Variants in KCNQ1 observed in about 807,000 individuals in gnomAD.
KCNQ1 encodes the protein potassium voltage-gated channel subfamily KQT member 1.
A neutral mutation model predicts 72.4 loss-of-function variants in KCNQ1; 49 were observed. The ratio of observed to expected loss-of-function variants is 0.68; its 90% CI spans 0.54 to 0.86. The LOEUF (loss-of-function observed/expected upper bound fraction) is 0.86. Ranked by LOEUF, KCNQ1 falls within the 40% of genes least tolerant of loss-of-function variation. KCNQ1 has a pLI of 0.00. For synonymous variants in KCNQ1, 450 were observed against 412.6 expected, an observed-to-expected ratio of 1.09 and a Z score of -1.10; for missense variants, 790 against 945.1, an observed-to-expected ratio of 0.84 and a Z score of 2.15.
rs1319618077 is a variant in KCNQ1 at position 2,746,208 on chromosome 11, T to A, written c.1515-22636T>A. Reference sequence around the variant, plus strand: ...CCCAGCCTCTTGCCGTCATTTTTTTTATTTTAAATAAACTTTGATTTTAGA... The same window carrying A: ...CCCAGCCTCTTGCCGTCATTTTTTTAATTTTAAATAAACTTTGATTTTAGA... On this transcript the variant is annotated intron_variant, in intron 11 of 15. Coordinates refer to ENST00000155840, the MANE Select transcript of KCNQ1 (RefSeq NM_000218.3). This position sits in a 1 kb window ranked among gnomAD's most constrained non-coding sequence, Gnocchi z 5.9. 6.6e-6 allele frequency among the ~76,000 whole-genome samples: 1 copy of A among 152,202 alleles called. No homozygotes were observed. The highest frequency in any genetic ancestry group is 6.5e-5 in the Admixed American group (1 of 15,288).
rs961817785 is a variant in KCNQ1, at chr11:2,451,982, C to T, written c.386+6498C>T. 2.6e-5 allele frequency among the ~76,000 whole-genome samples: 4 copies of T among 152,188 alleles called. No homozygotes were observed. Among genetic ancestry groups the T allele is most frequent in the South Asian group, 2.1e-4 (1 of 4,836 alleles). ...CATGGGCACCCCCACTCCCACCTAG[C>T]ACTTGCCACCAGGAAGCACCCTGAG... On this transcript the variant is annotated intron_variant, in intron 1 of 15. Transcript: ENST00000155840. The surrounding 1 kb of genome is among the most constrained non-coding windows in gnomAD (Gnocchi z 6.4).
At chr11:2,839,934 C>T (rs1442024455) in intron 15 of KCNQ1, 5 of 152,198 alleles carry the variant, frequency 3.3e-5, no homozygotes, top group African/African-American at 1.2e-4. Flanking sequence ...CAAGAGCGGT[C>T]TCTAGGGCAG....
Position 2,571,399 on chromosome 11 carries a change from A to C in KCNQ1, c.679A>C (p.Ile227Leu), listed in dbSNP as rs794728511. 1 of 1,610,846 alleles carries C rather than the reference A, an allele frequency of 6.2e-7. No homozygotes were observed. The highest frequency in any genetic ancestry group is 8.5e-7 in the Non-Finnish European group (1 of 1,179,806). ...SKGQVFATSA[I>L]RGIRFLQILR... Reference sequence around the variant, plus strand: ...GGGGCAGGTGTTTGCCACGTCGGCCATCAGGTGCGTCTGTGCCACAAGCTC... The same window carrying C: ...GGGGCAGGTGTTTGCCACGTCGGCCCTCAGGTGCGTCTGTGCCACAAGCTC... Residue 227 changes from isoleucine (I) to leucine (L), a missense_variant, in exon 4 of 16, where the codon ATC (isoleucine) becomes CTC (leucine). Coordinates refer to ENST00000155840, the MANE Select transcript of KCNQ1 (RefSeq NM_000218.3).
intron 1 of KCNQ1, among the ~76,000 whole-genome samples, chr11:2,501,717 T>TAAAAAAAAAAAA (rs1847012920): frequency 1.1e-4 from 1 of 8,704 alleles, no homozygotes; most frequent in Non-Finnish European, 2.2e-4. Flanking sequence ...CAAAGATACA[T>TAAAAAAAAAAAA]CAAAAAAAAA....
In KCNQ1 at chr11:2,570,718, C is replaced by A. The variant is rs199473662; in HGVS notation, c.568C>A (p.Arg190=). 3.1e-6 allele frequency: 5 copies of A among 1,612,078 alleles called. No homozygotes were observed. Among genetic ancestry groups the A allele is most frequent in the Non-Finnish European group, 4.2e-6 (5 of 1,180,014 alleles). ...CAGCAAGTACGTGGGCCTCTGGGGG[C>A]GGCTGCGCTTTGCCCGGAAGCCCAT... is the stretch of plus-strand genomic sequence containing the variant. ...CRSKYVGLWG[R]LRFARKPISI... Residue 190 remains arginine (R), a synonymous_variant, in exon 3 of 16, where the codon CGG becomes AGG. Coordinates refer to ENST00000155840, the MANE Select transcript of KCNQ1 (RefSeq NM_000218.3).
At chr11:2,763,760 C>T (rs992844618) in intron 11 of KCNQ1, among the ~76,000 whole-genome samples, 3 of 151,990 alleles carry the variant, frequency 2.0e-5, no homozygotes, top group African/African-American at 4.8e-5. Context: ...TGGGGTCTCA[C>T]TATGTTGCCC....
chr11:2,666,606 G>A (rs1016867566), intron 11 of KCNQ1: 3 of 398,626 alleles, frequency 7.5e-6, no homozygotes, highest in Non-Finnish European at 1.3e-5. Context: ...GGAAATAAGG[G>A]CAAACGTCAC....
Position 2,491,001 on chromosome 11 carries a change from T to C in KCNQ1, c.387-36927T>C, listed in dbSNP as rs1357221020. ...GATTACAGGCGTGAGCCACTGCGCCTGGCCCCAAGGCAGTATTTTTATGAG... is the reference window on the plus strand; with the variant it reads ...GATTACAGGCGTGAGCCACTGCGCCCGGCCCCAAGGCAGTATTTTTATGAG... On this transcript the variant is annotated intron_variant, in intron 1 of 15. Coordinates refer to ENST00000155840, the MANE Select transcript of KCNQ1 (RefSeq NM_000218.3). This position sits in a 1 kb window ranked among gnomAD's most constrained non-coding sequence, Gnocchi z 4.1. Among the ~76,000 whole-genome samples, 1 of 152,136 alleles carries C rather than the reference T, an allele frequency of 6.6e-6. No individual in the cohort carries two copies. The highest frequency in any genetic ancestry group is 2.4e-5 in the African/African-American group (1 of 41,428).
At chr11:2,557,458 A>G (rs1301807852) in intron 2 of KCNQ1, among the ~76,000 whole-genome samples, 3 of 152,234 alleles carry the variant, frequency 2.0e-5, no homozygotes, top group Non-Finnish European at 2.9e-5. Context: ...TTCTAACAGT[A>G]ATTTGAAATA....
At position 2,698,775 on chromosome 11, in the gene KCNQ1, G is replaced by A. The variant is rs546870157; in HGVS notation, c.1514+36694G>A. On this transcript the variant is annotated intron_variant, in intron 11 of 15. Transcript: ENST00000155840. This position sits in a 1 kb window ranked among gnomAD's most constrained non-coding sequence, Gnocchi z 5.1. ...AGAGCCATGATGCAGACTCCAGACC[G>A]GGATTCAGGTCCCCAACTCAGACTC... The A allele has an allele frequency of 2.9e-4, 115 of 398,696 alleles. 2 individuals are homozygous for A. Among genetic ancestry groups the A allele is most frequent in the Non-Finnish European group, 1.3e-5 (3 of 226,130 alleles). The allele number at this position is 398,696 out of a possible 1,614,324, so 24.7% of individuals were successfully genotyped here. A position where few individuals can be genotyped will look rare whatever the true frequency, so the allele number is the denominator to read the frequency against.
At chr11:2,697,066 A>T (rs576843213) in intron 11 of KCNQ1, 1 of 398,570 alleles carries the variant, frequency 2.5e-6, no homozygotes, top group Admixed American at 4.4e-5. Context: ...AAACATTTTC[A>T]TAATAATACT....
intron 15 of KCNQ1, among the ~76,000 whole-genome samples, chr11:2,795,672 A>G (rs1847114617): frequency 6.6e-6 from 1 of 152,226 alleles, no homozygotes; most frequent in Non-Finnish European, 1.5e-5. Flanking sequence ...TTCCGTTGCC[A>G]TGGTGACACC....
At chr11:2,609,730 C>T (rs1848947370) in intron 10 of KCNQ1, 2 of 398,180 alleles carry the variant, frequency 5.0e-6, no homozygotes, top group Non-Finnish European at 8.9e-6. Context: ...TGTTTATAAT[C>T]ATTGTATCTT....
chr11:2,665,369 C>G, intron 11 of KCNQ1: 1 of 398,190 alleles, frequency 2.5e-6, no homozygotes, highest in Non-Finnish European at 4.4e-6. Flanking sequence ...ACCCCCATGA[C>G]AAGAGGAGCC....
intron 15 of KCNQ1, among the ~76,000 whole-genome samples, chr11:2,793,232 C>T (rs1847065970): frequency 6.6e-6 from 1 of 152,240 alleles, no homozygotes; most frequent in Non-Finnish European, 1.5e-5. Context: ...GTGATAGCCC[C>T]TCTTACTGAG....
chr11:2,445,139 G>T lies in KCNQ1; in HGVS notation c.41G>T (p.Arg14Leu), dbSNP rs1424013094. The T allele has an allele frequency of 7.3e-5, 82 of 1,123,610 alleles. No individual in the cohort carries two copies. The highest frequency in any genetic ancestry group is 8.7e-5 in the Non-Finnish European group (80 of 916,076). The allele number at this position is 1,123,610 out of a possible 1,614,324, so 69.6% of individuals were successfully genotyped here. A position where few individuals can be genotyped will look rare whatever the true frequency, so the allele number is the denominator to read the frequency against. The change falls in exon 1 of 16, where the codon CGC becomes CTC. Residue 14 changes from arginine (R) to leucine (L), a missense_variant. By Grantham distance (102) the Arg-to-Leu change is moderately radical. Transcript: ENST00000155840. ...TCCCCGCCCAGGGCCGAGAGGAAGC[G>T]CTGGGGTTGGGGCCGCCTGCCAGGC... The part of the protein sequence containing the change: ...ASSPPRAERK[R>L]WGWGRLPGAR...
chr11:2,498,616 T>C lies in KCNQ1; in HGVS notation c.387-29312T>C, dbSNP rs181808219. Reference sequence around the variant, plus strand: ...TTGAAGCCAGTGGTTCTTAGCTTGCTGGGCTCCATGGGAGTGGGACCCACT... The same window carrying C: ...TTGAAGCCAGTGGTTCTTAGCTTGCCGGGCTCCATGGGAGTGGGACCCACT... On this transcript the variant is annotated intron_variant, in intron 1 of 15. Coordinates refer to ENST00000155840, the MANE Select transcript of KCNQ1 (RefSeq NM_000218.3). The surrounding 1 kb of genome is among the most constrained non-coding windows in gnomAD (Gnocchi z 4.8). Among the ~76,000 whole-genome samples the C allele has an allele frequency of 3.8e-3, 582 of 152,344 alleles. 2 individuals carry two copies. Among genetic ancestry groups the C allele is most frequent in the Middle Eastern group, 0.014 (4 of 294 alleles).
rs1849161119 is a variant in KCNQ1 at position 2,620,957 on chromosome 11, T to G, written c.1393+32103T>G. On this transcript the variant is annotated intron_variant, in intron 10 of 15. Coordinates refer to ENST00000155840, the MANE Select transcript of KCNQ1 (RefSeq NM_000218.3). The surrounding 1 kb of genome is among the most constrained non-coding windows in gnomAD (Gnocchi z 4.5). ...GTTGTTGTTTTGTTTTGTTTTTTTT[T>G]GTCTGTTTTTTGCTTTTTTGTTTGT... 5.0e-6 allele frequency: 2 copies of G among 396,852 alleles called. No homozygotes were observed. Among genetic ancestry groups the G allele is most frequent in the African/African-American group, 2.1e-5 (1 of 48,108 alleles). The allele number at this position is 396,852 out of a possible 1,614,324, so 24.6% of individuals were successfully genotyped here. A position where few individuals can be genotyped will look rare whatever the true frequency, so the allele number is the denominator to read the frequency against.
chr11:2,527,104 G>A (rs1847523577), intron 1 of KCNQ1, among the ~76,000 whole-genome samples: 1 of 152,192 alleles, frequency 6.6e-6, no homozygotes. Flanking sequence ...ATCAGAGAAG[G>A]CGGCCCGTCT....
Sources: gnomAD v4.1 joint callset for allele counts (sites outside exome capture counted in the v4.1 genomes callset) on GRCh38, gnomAD v4.1.1 for gene constraint, Gnocchi (gnomAD v3.1) non-coding constraint, MANE v1.5 for transcripts, NCBI Gene and HGNC (gene_info 2026-07-23, HGNC 2026-07-21) for gene names.